KIFC3: variants seen among roughly 807,000 people sequenced by gnomAD.
KIFC3 encodes kinesin family member C3.
In KIFC3, 60 loss-of-function variants were observed where a neutral mutation model predicts 101.8. The observed-to-expected ratio is 0.59, with a 90% CI of 0.48 to 0.73. KIFC3 has a LOEUF of 0.73. Among genes scored for constraint, KIFC3 ranks in the 30% least tolerant of loss-of-function variants. The probability of loss-of-function intolerance (pLI) is 0.00; values close to 1 mark genes in which losing one functional copy is unlikely to be tolerated. For missense variants in KIFC3, 966 were observed against 1,137.1 expected (o/e 0.85, Z 2.16); for synonymous variants, 476 against 482.7 (o/e 0.99, Z 0.18).
At chr16:57,806,019 A>G (rs1555626846), upstream of KIFC3, among the ~76,000 whole-genome samples, 2 of 152,110 alleles carry the variant, frequency 1.3e-5, no homozygotes, top group African/African-American at 4.8e-5. Context: ...GATTACAAGC[A>G]TGAGCCACCA....
rs1315196301 is a variant in KIFC3, at chr16:57,802,434, C to T, written c.-104G>A. 7.1e-6 allele frequency: 7 copies of T among 982,938 alleles called. No individual in the cohort carries two copies. The African/African-American group carries it at 1.2e-4, about 17-fold the overall frequency. The allele number at this position is 982,938 out of a possible 1,614,324, so 60.9% of individuals were successfully genotyped here. On this transcript the variant is annotated 5_prime_UTR_variant, in exon 1 of 20. Transcript: ENST00000445690. The surrounding 1 kb of genome is among the most constrained non-coding windows in gnomAD (Gnocchi z 5.0). Reference sequence around the variant, plus strand: ...CCGGGGCTCGGCCCGGCCCGGCCCGCCGGCAGGAGGCAGCTCCACGCCGCC... The same window carrying T: ...CCGGGGCTCGGCCCGGCCCGGCCCGTCGGCAGGAGGCAGCTCCACGCCGCC...
chr16:57,858,184 A>G (rs530187049), intron 1 of KIFC3, among the ~76,000 whole-genome samples: 2 of 152,052 alleles, frequency 1.3e-5, no homozygotes, highest in African/African-American at 4.8e-5. Context: ...GCTACTATGA[A>G]TAGTGCTGCA....
At chr16:57,810,372 CT>C (rs2055041034) in intron 1 of KIFC3, among the ~76,000 whole-genome samples, 1 of 152,198 alleles carries the variant, frequency 6.6e-6, no homozygotes, top group Admixed American at 6.6e-5. Context: ...AGCCTCTCCC[CT>C]AGCTCTGGTC....
At position 57,785,507 on chromosome 16, in the gene KIFC3, C is replaced by T. The variant is rs782789789; in HGVS notation, c.315+9492G>A. On this transcript the variant is annotated intron_variant, in intron 3 of 19. Transcript: ENST00000445690. ...GGACGTGGCCTGCTGGTCACTGTCG[C>T]GGAGGGCCAGCCTCTCCTGTAGGAC... is the stretch of plus-strand genomic sequence containing the variant. The T allele has an allele frequency of 8.8e-5, 114 of 1,289,004 alleles. 1 individual carries two copies. The highest frequency in any genetic ancestry group is 1.5e-4 in the South Asian group (12 of 80,986). 79.8% of individuals were successfully genotyped at this position (1,289,004 alleles called of 1,614,324 possible).
At chr16:57,777,793 T>G (rs1423996591) in intron 3 of KIFC3, among the ~76,000 whole-genome samples, 1 of 151,280 alleles carries the variant, frequency 6.6e-6, no homozygotes, top group Admixed American at 6.6e-5. Flanking sequence ...AAAACAGACA[T>G]AAAGAGCAAT....
intron 1 of KIFC3, chr16:57,798,644 C>A: frequency 3.0e-6 from 1 of 331,464 alleles, no homozygotes; most frequent in South Asian, 3.4e-5. Context: ...TAAGTCTAAT[C>A]CTTTTCCTCC....
intron 1 of KIFC3, chr16:57,813,809 T>A (rs1002772323): frequency 2.0e-6 from 2 of 985,284 alleles, no homozygotes; most frequent in Non-Finnish European, 2.4e-6. Flanking sequence ...TCAAGGCATC[T>A]CCAGAGTCAC....
At chr16:57,843,538 T>C (rs2055853975) in intron 1 of KIFC3, among the ~76,000 whole-genome samples, 1 of 151,864 alleles carries the variant, frequency 6.6e-6, no homozygotes, top group South Asian at 2.1e-4. Context: ...ATTAGAAAAA[T>C]GGGGTGGTCA....
chr16:57,843,350 A>C (rs1332187247), intron 1 of KIFC3, among the ~76,000 whole-genome samples: 2 of 152,152 alleles, frequency 1.3e-5, no homozygotes, highest in Non-Finnish European at 2.9e-5. Flanking sequence ...CTTCCTGCCA[A>C]CAAGGCCTTG....
intron 1 of KIFC3, among the ~76,000 whole-genome samples, chr16:57,812,189 C>T (rs1245152408): frequency 6.6e-6 from 1 of 151,554 alleles, no homozygotes; most frequent in Non-Finnish European, 1.5e-5. Flanking sequence ...ACTACAGGCG[C>T]CCGCCACCTC....
At position 57,764,149 on chromosome 16, in the gene KIFC3, C is replaced by T. The variant is rs781892130; in HGVS notation, c.1611G>A (p.Thr537=). The T allele has an allele frequency of 2.5e-5, 41 of 1,611,090 alleles. No individual in the cohort carries two copies. The East Asian group carries it at 4.9e-4, about 19-fold the overall frequency. ...CCCATTGGGCAGCACCCACCTCCAT[C>T]GTGTACGTCTTGCCGGCGCCCGTCT... ...YGQTGAGKTY[T]MEGTAENPGI... is the part of the protein sequence containing the mutation. Residue 537 remains threonine (T), a synonymous_variant, in exon 12 of 20, where the codon ACG becomes ACA. Coordinates refer to ENST00000445690, the MANE Select transcript of KIFC3 (RefSeq NM_001130100.2).
In KIFC3 at chr16:57,770,636, G is replaced by A; in HGVS notation, c.830C>T (p.Ala277Val). ...KTKQALSESQ[A>V]RNQHLQEQVA... ...CTGCTCCTGCAGGTGCTGGTTCCGG[G>A]CCTGGGACTCGCTGAGGGCCTGCTT... Residue 277 changes from alanine to valine, a missense_variant, in exon 7 of 20, where the codon GCC (alanine) becomes GTC (valine). This residue lies in a region of KIFC3 where 689 missense variants were observed against 884.6 expected (regional missense o/e 0.78). Coordinates refer to ENST00000445690, the MANE Select transcript of KIFC3 (RefSeq NM_001130100.2). The A allele has an allele frequency of 6.4e-7, 1 of 1,555,630 alleles. No individual in the cohort carries two copies. The highest frequency in any genetic ancestry group is 8.7e-7 in the Non-Finnish European group (1 of 1,149,894).
At chr16:57,805,675 T>C (rs1405126220), upstream of KIFC3, among the ~76,000 whole-genome samples, 1 of 29,528 alleles carries the variant, frequency 3.4e-5, no homozygotes, top group African/African-American at 5.2e-5. Flanking sequence ...CCCATAGACT[T>C]TTTTTTTTTT....
chr16:57,841,072 CT>C (rs2055798866), intron 1 of KIFC3, among the ~76,000 whole-genome samples: 1 of 152,228 alleles, frequency 6.6e-6, no homozygotes, highest in African/African-American at 2.4e-5. Context: ...CAGTGCTGTT[CT>C]AGCCCTTGCT....
intron 1 of KIFC3, among the ~76,000 whole-genome samples, chr16:57,843,241 T>G (rs1023681058): frequency 6.6e-5 from 10 of 152,102 alleles, no homozygotes; most frequent in Non-Finnish European, 1.3e-4. Flanking sequence ...CAGGGCAAAA[T>G]ATTTCAGACA....
intron 1 of KIFC3, among the ~76,000 whole-genome samples, chr16:57,860,092 T>TAAAATAAAATAAA (rs1555485107): frequency 5.8e-4 from 74 of 127,210 alleles, no homozygotes; most frequent in Non-Finnish European, 1.0e-3. Flanking sequence ...TAAAATAAAA[T>TAAAATAAAATAAA]AAAAACAAGT....
intron 3 of KIFC3, chr16:57,785,654 A>C: frequency 8.0e-7 from 1 of 1,246,718 alleles, no homozygotes; most frequent in Non-Finnish European, 1.0e-6. Context: ...CCTGCTGCCA[A>C]AGAGACGCCC....
At chr16:57,828,566 C>T (rs1313806480) in intron 1 of KIFC3, among the ~76,000 whole-genome samples, 7 of 152,228 alleles carry the variant, frequency 4.6e-5, no homozygotes, top group African/African-American at 1.7e-4. Context: ...CGGCATTGGA[C>T]CAGGGTCCCA....
intron 1 of KIFC3, among the ~76,000 whole-genome samples, chr16:57,852,760 G>A (rs1338865015): frequency 2.2e-4 from 1 of 4,542 alleles, no homozygotes; most frequent in Non-Finnish European, 6.4e-4. Flanking sequence ...GTAAGCTCCC[G>A]TGAGCCGTGA....
Sources: allele counts gnomAD v4.1 joint callset (sites outside exome capture counted in the v4.1 genomes callset), GRCh38; gene constraint gnomAD v4.1.1; regional missense constraint gnomAD v4.1.1; non-coding constraint Gnocchi (gnomAD v3.1); transcripts MANE v1.5; gene names NCBI Gene and HGNC (gene_info 2026-07-23, HGNC 2026-07-21).